Variants in SLAIN1 observed in about 807,000 individuals in gnomAD.
The protein encoded by SLAIN1 is SLAIN motif-containing protein 1.
Under a neutral mutation model 55.4 loss-of-function variants are expected in SLAIN1, and 17 were observed. The observed-to-expected ratio is 0.31, with a 90% CI of 0.21 to 0.46. SLAIN1 has a LOEUF of 0.46. SLAIN1 is among the 20% of genes least tolerant of loss of function. The probability of loss-of-function intolerance (pLI) is 1.00; values close to 1 mark genes in which losing one functional copy is unlikely to be tolerated. For missense variants in SLAIN1, 682 were observed against 785.1 expected (o/e 0.87, Z 1.57); for synonymous variants, 348 against 337.4 (o/e 1.03, Z -0.35).
chr13:77,712,883 C>T (rs1352008939), intron 1 of SLAIN1, among the ~76,000 whole-genome samples: 1 of 152,086 alleles, frequency 6.6e-6, no homozygotes, highest in Non-Finnish European at 1.5e-5. Context: ...TGGAACAGAA[C>T]AGAGGCCTCA....
At chr13:77,742,003 A>T (rs1873475847) in intron 2 of SLAIN1, among the ~76,000 whole-genome samples, 1 of 152,066 alleles carries the variant, frequency 6.6e-6, no homozygotes, top group Non-Finnish European at 1.5e-5. Context: ...CAGAAAAGTG[A>T]ATTTTGCTTA....
chr13:77,698,355 G>A lies in SLAIN1; in HGVS notation c.442G>A (p.Val148Ile), dbSNP rs770462216. Residue 148 changes from valine (V) to isoleucine (I), a missense_variant, in exon 1 of 7, where the codon GTC becomes ATC. Coordinates refer to ENST00000418532, the MANE Select transcript of SLAIN1 (RefSeq NM_001242868.2). This position sits in a 1 kb window ranked among gnomAD's most constrained non-coding sequence, Gnocchi z 4.1. ...GGCGCAGCCACCCGAGGCGCCCTTC[G>A]TCTACTTCAAGCCGGCAGCAGGCTT... Reference protein sequence around the residue: ...SLAQPPEAPFVYFKPAAGFFG... With the variant: ...SLAQPPEAPFIYFKPAAGFFG... 7 of 1,444,506 alleles carry A rather than the reference G, an allele frequency of 4.8e-6. No homozygotes were observed. The highest frequency in any genetic ancestry group is 4.0e-5 in the South Asian group (3 of 74,908). 89.5% of individuals were successfully genotyped at this position (1,444,506 alleles called of 1,614,324 possible). A position where few individuals can be genotyped will look rare whatever the true frequency, so the allele number is the denominator to read the frequency against.
chr13:77,721,887 G>A (rs766490246), intron 2 of SLAIN1, among the ~76,000 whole-genome samples: 4 of 148,108 alleles, frequency 2.7e-5, no homozygotes, highest in Non-Finnish European at 4.5e-5. Flanking sequence ...GGGTACTCTC[G>A]GCCACAGTTT....
chr13:77,698,921 G>A lies in SLAIN1; in HGVS notation c.626+382G>A, dbSNP rs41315030. ...CCCAGTGTTTTCGGAGGGATGACGG[G>A]GGATGGTAGGGGTTGGCCTCTGTCT... On this transcript the variant is annotated intron_variant, in intron 1 of 6. Coordinates refer to ENST00000418532, the MANE Select transcript of SLAIN1 (RefSeq NM_001242868.2). This position sits in a 1 kb window ranked among gnomAD's most constrained non-coding sequence, Gnocchi z 4.1. The A allele has an allele frequency of 0.017, 26,567 of 1,533,638 alleles. 330 individuals carry two copies. The highest frequency in any genetic ancestry group is 0.02 in the Non-Finnish European group (22,589 of 1,146,466).
At chr13:77,724,116 T>G (rs983970730) in intron 2 of SLAIN1, among the ~76,000 whole-genome samples, 2 of 152,144 alleles carry the variant, frequency 1.3e-5, no homozygotes, top group Non-Finnish European at 2.9e-5. Flanking sequence ...CTGTAAGGTA[T>G]TTTTATTTGT....
chr13:77,728,047 G>GT (rs976740814), intron 2 of SLAIN1, among the ~76,000 whole-genome samples: 8 of 152,110 alleles, frequency 5.3e-5, no homozygotes, highest in African/African-American at 1.9e-4. Context: ...GAAAAATTTT[G>GT]TAAGTGTAGT....
At chr13:77,730,140 T>C (rs2091343664) in intron 2 of SLAIN1, among the ~76,000 whole-genome samples, 1 of 152,096 alleles carries the variant, frequency 6.6e-6, no homozygotes, top group Admixed American at 6.6e-5. Context: ...TGGAGGGAAA[T>C]GACTCTAAAT....
intron 2 of SLAIN1, among the ~76,000 whole-genome samples, chr13:77,734,593 A>G (rs960305702): frequency 1.3e-5 from 2 of 152,184 alleles, no homozygotes; most frequent in East Asian, 3.9e-4. Flanking sequence ...TTGTCTAGGT[A>G]GATACAGTGT....
chr13:77,706,683 C>A (rs1233204186), intron 1 of SLAIN1, among the ~76,000 whole-genome samples: 1 of 151,698 alleles, frequency 6.6e-6, no homozygotes, highest in Non-Finnish European at 1.5e-5. Context: ...TTTTTTTATT[C>A]TCTTAGGTGG....
chr13:77,719,758 A>T (rs1310870102), intron 2 of SLAIN1, 87 bp downstream of exon 2: 1 of 1,483,916 alleles, frequency 6.7e-7, no homozygotes. Flanking sequence ...AAACATTTCA[A>T]TTGAAAATTC....
At chr13:77,755,843 C>A (rs1874563135) in intron 5 of SLAIN1, among the ~76,000 whole-genome samples, 1 of 152,106 alleles carries the variant, frequency 6.6e-6, no homozygotes, top group Non-Finnish European at 1.5e-5. Flanking sequence ...ACTCTCATAA[C>A]TTTTGTTTCA....
chr13:77,752,822 G>T (rs915574606), intron 4 of SLAIN1, among the ~76,000 whole-genome samples: 2 of 152,172 alleles, frequency 1.3e-5, no homozygotes, highest in Non-Finnish European at 2.9e-5. Context: ...ATTCTTCTGC[G>T]CTTTTATCCT....
intron 2 of SLAIN1, among the ~76,000 whole-genome samples, chr13:77,720,340 T>G (rs2091249693): frequency 6.6e-6 from 1 of 152,098 alleles, no homozygotes; most frequent in South Asian, 2.1e-4. Flanking sequence ...ACTGTTTCTA[T>G]TCCATGGACC....
In SLAIN1 at chr13:77,713,210, G is replaced by A. The variant is rs546796561; in HGVS notation, c.627-6322G>A. ...GCAACAAAAGCCAAAATTGACAAAT[G>A]GGATCTAATTAAACTAAAGAGCTTA... On this transcript the variant is annotated intron_variant, in intron 1 of 6. Transcript: ENST00000418532. Among the ~76,000 whole-genome samples, 9 of 152,138 alleles carry A rather than the reference G, an allele frequency of 5.9e-5. No homozygotes were observed. The South Asian group carries it at 1.9e-3, about 32-fold the overall frequency.
At chr13:77,732,288 A>T (rs1288181591) in intron 2 of SLAIN1, among the ~76,000 whole-genome samples, 1 of 151,822 alleles carries the variant, frequency 6.6e-6, no homozygotes, top group Non-Finnish European at 1.5e-5. Context: ...AGGCGTGAAG[A>T]CTCTTAGTAA....
chr13:77,701,048 T>C (rs972774511), intron 1 of SLAIN1, among the ~76,000 whole-genome samples: 7 of 152,264 alleles, frequency 4.6e-5, no homozygotes, highest in African/African-American at 1.7e-4. Flanking sequence ...TGAACATACA[T>C]TGGACATTTG....
intron 1 of SLAIN1, among the ~76,000 whole-genome samples, chr13:77,701,850 C>T (rs1326334632): frequency 6.7e-6 from 1 of 150,220 alleles, no homozygotes; most frequent in African/African-American, 2.5e-5. Context: ...ATGTGCCATG[C>T]TGGTGCGCTG....
At chr13:77,718,798 T>A (rs1274820044) in intron 1 of SLAIN1, among the ~76,000 whole-genome samples, 1 of 152,142 alleles carries the variant, frequency 6.6e-6, no homozygotes, top group East Asian at 1.9e-4. Context: ...TATAGCCCTA[T>A]CACTGAAAAT....
chr13:77,726,972 T>C (rs1305793634), intron 2 of SLAIN1, among the ~76,000 whole-genome samples: 1 of 152,228 alleles, frequency 6.6e-6, no homozygotes, highest in Non-Finnish European at 1.5e-5. Context: ...ATAGTGTAAA[T>C]GGCTTTTTTG....
Sources: allele counts gnomAD v4.1 joint callset (sites outside exome capture counted in the v4.1 genomes callset), GRCh38; gene constraint gnomAD v4.1.1; non-coding constraint Gnocchi (gnomAD v3.1); transcripts MANE v1.5; gene names NCBI Gene and HGNC (gene_info 2026-07-23, HGNC 2026-07-21).